The following GPALPP1 variants were observed in gnomAD, a reference collection of about 807,000 sequenced individuals.
GPALPP1 encodes GPALPP motifs-containing protein 1.
A neutral mutation model predicts 38.9 loss-of-function variants in GPALPP1; 30 were observed. That is an observed-to-expected ratio of 0.77 (90% CI 0.58 to 1.05). GPALPP1 has a LOEUF of 1.05. Among genes scored for constraint, GPALPP1 ranks in the 50% least tolerant of loss-of-function variants. GPALPP1 has a pLI of 0.00. For synonymous variants in GPALPP1, 120 were observed against 139.2 expected, an observed-to-expected ratio of 0.86 and a Z score of 0.97; for missense variants, 384 against 408.8, an observed-to-expected ratio of 0.94 and a Z score of 0.52.
chr13:44,990,428 G>A (rs920121243), intron 1 of GPALPP1: 1 of 154,118 alleles, frequency 6.5e-6, no homozygotes. Context: ...ATTCCCCGAA[G>A]CATTGTCATG....
At chr13:45,027,038 T>A (rs1345626376) in intron 7 of GPALPP1, among the ~76,000 whole-genome samples, 2 of 152,266 alleles carry the variant, frequency 1.3e-5, no homozygotes, top group East Asian at 3.9e-4. Context: ...AAATTACCCA[T>A]GCCTTCATAC....
intron 1 of GPALPP1, among the ~76,000 whole-genome samples, chr13:44,994,137 G>A (rs1455985218): frequency 7.0e-6 from 1 of 142,420 alleles, no homozygotes; most frequent in East Asian, 2.1e-4. Flanking sequence ...AGGATCGCAT[G>A]AGCCCAGGAG....
chr13:44,990,959 G>A (rs959149662), intron 1 of GPALPP1, among the ~76,000 whole-genome samples: 1 of 151,630 alleles, frequency 6.6e-6, no homozygotes, highest in African/African-American at 2.4e-5. Context: ...GCGTGGTGGC[G>A]GGCGCCTGTA....
At chr13:45,035,108 C>G (rs1216516363), downstream of GPALPP1, 2 of 152,468 alleles carry the variant, frequency 1.3e-5, no homozygotes, top group East Asian at 1.9e-4. Flanking sequence ...AGGCGCCCAC[C>G]ACCACGCCCG....
downstream of GPALPP1, among the ~76,000 whole-genome samples, chr13:45,033,023 C>G (rs1012372071): frequency 2.0e-5 from 3 of 148,184 alleles, no homozygotes; most frequent in Non-Finnish European, 4.5e-5. Flanking sequence ...GGCGACAGAG[C>G]GAGACTCCAT....
At position 45,020,442 on chromosome 13, in the gene GPALPP1, T is replaced by G; in HGVS notation, c.804+14T>G. On this transcript the variant is annotated intron_variant, in intron 7 of 7. Transcript: ENST00000379151. ...TCTTCATACAATGTAAGTAAGAAAATAAGATATATAGAGCCAGGTGTGATG... is the reference window on the plus strand; with the variant it reads ...TCTTCATACAATGTAAGTAAGAAAAGAAGATATATAGAGCCAGGTGTGATG... The G allele has an allele frequency of 9.6e-7, 1 of 1,040,488 alleles. No homozygotes were observed. Among genetic ancestry groups the G allele is most frequent in the Admixed American group, 1.7e-5 (1 of 58,408 alleles). 64.5% of individuals were successfully genotyped at this position (1,040,488 alleles called of 1,614,324 possible). A position where few individuals can be genotyped will look rare whatever the true frequency, so the allele number is the denominator to read the frequency against.
At chr13:45,023,401 C>T (rs1328729107) in intron 7 of GPALPP1, among the ~76,000 whole-genome samples, 2 of 152,104 alleles carry the variant, frequency 1.3e-5, no homozygotes, top group Admixed American at 1.3e-4. Flanking sequence ...TAATAATAGT[C>T]CAGTGATTTA....
chr13:45,015,554 A>C lies in GPALPP1; in HGVS notation c.663A>C (p.Ser221=), dbSNP rs1429840720. 2 of 1,589,696 alleles carry C rather than the reference A, an allele frequency of 1.3e-6. No individual in the cohort carries two copies. Among genetic ancestry groups the C allele is most frequent in the Non-Finnish European group, 1.7e-6 (2 of 1,168,438 alleles). ...CTGATGACACATCTGGAGATCGATC[A>C]ATCTGGACAGATACTCCAGCTGATA... ...RRADDTSGDR[S]IWTDTPADRE... Residue 221 remains serine (S), a synonymous_variant, in exon 6 of 8, where the codon TCA becomes TCC. Transcript: ENST00000379151.
chr13:44,989,997 G>C (rs1302155241), intron 1 of GPALPP1: 1 of 564,164 alleles, frequency 1.8e-6, no homozygotes, highest in African/African-American at 1.9e-5. Flanking sequence ...TGAGCTGCAC[G>C]CTGCCCTAAC....
rs1350667848 is a variant in GPALPP1 at position 45,028,536 on chromosome 13, AGAGGATCGCTT to A, written c.*537_*547del. ...CCCAACACTTTGGGAGGCCAATGTGAGAGGATCGCTTGAGCCCAGTAGTTTGAGACCAGCCT... is the reference window on the plus strand; with the variant it reads ...CCCAACACTTTGGGAGGCCAATGTGAGAGCCCAGTAGTTTGAGACCAGCCT... On this transcript the variant is annotated 3_prime_UTR_variant, in exon 8 of 8. Coordinates refer to ENST00000379151, the MANE Select transcript of GPALPP1 (RefSeq NM_018559.5). The A allele has an allele frequency of 6.5e-6, 1 of 152,982 alleles. No homozygotes were observed. The highest frequency in any genetic ancestry group is 2.4e-5 in the African/African-American group (1 of 41,236). The allele number at this position is 152,982 out of a possible 1,614,324, so 9.5% of individuals were successfully genotyped here. A position where few individuals can be genotyped will look rare whatever the true frequency, so the allele number is the denominator to read the frequency against.
At chr13:45,025,214 G>A (rs1875752046) in intron 7 of GPALPP1, among the ~76,000 whole-genome samples, 3 of 152,136 alleles carry the variant, frequency 2.0e-5, no homozygotes, top group Non-Finnish European at 4.4e-5. Flanking sequence ...AAGAAACCAG[G>A]TTTTTATGAA....
intron 2 of GPALPP1, 57 bp from the exon 3 acceptor site, chr13:45,006,145 G>A: frequency 3.4e-6 from 3 of 888,392 alleles, no homozygotes; most frequent in Non-Finnish European, 5.3e-6. Flanking sequence ...ATTAAAATGT[G>A]CTTTTGTGAA....
chr13:45,024,262 C>CTGTGTGTGTGTGTGTG (rs34572145), intron 7 of GPALPP1, among the ~76,000 whole-genome samples: 1 of 24,238 alleles, frequency 4.1e-5, no homozygotes, highest in African/African-American at 1.5e-4. Context: ...CCCTAAAACT[C>CTGTGTGTGTGTGTGTG]TGTGTGTGTG....
chr13:45,011,249 G>A (rs929893254), intron 4 of GPALPP1, among the ~76,000 whole-genome samples: 12 of 152,154 alleles, frequency 7.9e-5, no homozygotes, highest in Admixed American at 5.2e-4. Context: ...AAAGCTTTGC[G>A]TTGAGCCTAG....
chr13:45,025,206 G>T (rs1391376568), intron 7 of GPALPP1, among the ~76,000 whole-genome samples: 3 of 152,122 alleles, frequency 2.0e-5, no homozygotes, highest in African/African-American at 7.2e-5. Context: ...TAAGAGTTAA[G>T]AAACCAGGTT....
At chr13:44,989,769 C>T in intron 1 of GPALPP1, 27 bp downstream of exon 1, 6 of 1,536,358 alleles carry the variant, frequency 3.9e-6, no homozygotes, top group Non-Finnish European at 4.5e-6. Context: ...CCGCTGCCCA[C>T]CAGGCCCATC....
At chr13:45,018,241 C>CA (rs1875013314) in intron 6 of GPALPP1, among the ~76,000 whole-genome samples, 1 of 151,824 alleles carries the variant, frequency 6.6e-6, no homozygotes, top group Non-Finnish European at 1.5e-5. Context: ...ACTAAAAATA[C>CA]AAAAAATTAG....
chr13:45,007,913 T>A (rs942549850), intron 3 of GPALPP1, among the ~76,000 whole-genome samples: 8 of 152,216 alleles, frequency 5.3e-5, no homozygotes, highest in Non-Finnish European at 1.0e-4. Context: ...TTTTCCTTCA[T>A]AAAGTAAGGC....
At chr13:45,032,543 C>CTCCTCCCAAGTAGCTGGGAT (rs1307798097), downstream of GPALPP1, among the ~76,000 whole-genome samples, 12 of 151,128 alleles carry the variant, frequency 7.9e-5, no homozygotes, top group African/African-American at 2.4e-4. Flanking sequence ...GTAGCTGGGA[C>CTCCTCCCAAGTAGCTGGGAT]TACAGGCGCC....
Sources: allele counts gnomAD v4.1 joint callset (sites outside exome capture counted in the v4.1 genomes callset), GRCh38; gene constraint gnomAD v4.1.1; transcripts MANE v1.5; gene names NCBI Gene and HGNC (gene_info 2026-07-23, HGNC 2026-07-21).